Variants in FAH observed in about 807,000 individuals in gnomAD.
FAH encodes fumarylacetoacetase.
Under a neutral mutation model 55.8 loss-of-function variants are expected in FAH, and 47 were observed. The ratio of observed to expected loss-of-function variants is 0.84; its 90% CI spans 0.67 to 1.07. FAH has a LOEUF of 1.07. FAH is among the 50% of genes least tolerant of loss of function. FAH has a pLI of 0.00. For synonymous variants in FAH, 199 were observed against 207.7 expected (o/e 0.96, Z 0.36); for missense variants, 495 against 545.9 (o/e 0.91, Z 0.93).
intron 7 of FAH, among the ~76,000 whole-genome samples, chr15:80,169,340 G>A (rs991330790): frequency 1.3e-5 from 2 of 151,824 alleles, no homozygotes; most frequent in Non-Finnish European, 2.9e-5. Flanking sequence ...CTGAGATCGC[G>A]CCACCACACT....
intron 1 of FAH, 35 bp downstream of exon 1, chr15:80,153,170 A>G (rs1595888567): frequency 7.1e-7 from 1 of 1,404,092 alleles, no homozygotes; most frequent in Non-Finnish European, 9.7e-7. Flanking sequence ...GGGCGCGGGG[A>G]GGGAGTGGAG....
intron 1 of FAH, 143 bp downstream of exon 1, chr15:80,153,278 AGAGTG>A: frequency 1.4e-6 from 1 of 728,020 alleles, no homozygotes; most frequent in South Asian, 1.6e-5. Context: ...TCGTTCCGTG[AGAGTG>A]CCTATGGGCT....
At chr15:80,168,432 G>T (rs1595893274) in intron 7 of FAH, 116 bp downstream of exon 7, 2 of 1,001,970 alleles carry the variant, frequency 2.0e-6, no homozygotes, top group Admixed American at 3.5e-5. Context: ...AGCCACATCG[G>T]CAGCCGCTCT....
chr15:80,165,061 C>T (rs1347090501), intron 5 of FAH, among the ~76,000 whole-genome samples: 3 of 152,140 alleles, frequency 2.0e-5, no homozygotes, highest in Non-Finnish European at 4.4e-5. Flanking sequence ...AAGACAATTA[C>T]ACAGTAAAAT....
chr15:80,168,547 T>G, intron 7 of FAH: 1 of 588,168 alleles, frequency 1.7e-6, no homozygotes, highest in South Asian at 2.0e-5. Context: ...AAGTCCAGAA[T>G]TAATATTCAC....
At chr15:80,155,843 G>T (rs924694209) in intron 1 of FAH, 7 of 460,228 alleles carry the variant, frequency 1.5e-5, no homozygotes, top group Admixed American at 1.4e-4. Flanking sequence ...GCATAAGTCA[G>T]CATTTTCTTC....
intron 2 of FAH, among the ~76,000 whole-genome samples, chr15:80,159,197 C>G (rs1002366933): frequency 2.6e-5 from 4 of 151,470 alleles, no homozygotes; most frequent in African/African-American, 9.7e-5. Context: ...GAGATCACAT[C>G]AGTGCACTCC....
At chr15:80,167,964 CTT>C (rs1317994625) in intron 5 of FAH, 86 bp from the exon 6 acceptor site, 14 of 1,095,234 alleles carry the variant, frequency 1.3e-5, no homozygotes, top group African/African-American at 9.3e-5. Context: ...TGTGGCGACT[CTT>C]TGTTTCTAGT....
At chr15:80,170,122 G>T (rs1287559669) in intron 7 of FAH, among the ~76,000 whole-genome samples, 5 of 152,250 alleles carry the variant, frequency 3.3e-5, no homozygotes, top group Non-Finnish European at 7.3e-5. Context: ...GAGCTGACCT[G>T]GGGGAGGCAG....
intron 1 of FAH, 34 bp downstream of exon 1, chr15:80,153,169 G>GT: frequency 6.9e-7 from 1 of 1,441,562 alleles, no homozygotes; most frequent in Non-Finnish European, 9.4e-7. Flanking sequence ...CGGGCGCGGG[G>GT]AGGGAGTGGA....
chr15:80,153,235 G>A lies in FAH; in HGVS notation c.81+100G>A, dbSNP rs574266745. 7.3e-5 allele frequency: 72 copies of A among 989,390 alleles called. 1 individual carries two copies. In the African/African-American group the frequency reaches 1.1e-3, roughly 15 times the overall value. The allele number at this position is 989,390 out of a possible 1,614,324, so 61.3% of individuals were successfully genotyped here. A position where few individuals can be genotyped will look rare whatever the true frequency, so the allele number is the denominator to read the frequency against. ...GTGGAATGGAGTGGAATGAGGGGCG[G>A]GATGGAGGCTTGTGCCATTTTTCTC... On this transcript the variant is annotated intron_variant, in intron 1 of 13. Transcript: ENST00000561421.
At position 80,165,711 on chromosome 15, in the gene FAH, CA is replaced by C. The variant is rs746350394; in HGVS notation, c.456-2328del. On this transcript the variant is annotated intron_variant, in intron 5 of 13. Transcript: ENST00000561421. Reference sequence around the variant, plus strand: ...CTCTGTCTCAAACCCCACCCCCCACCAAAAAAAAAAAAAGGTACAGTAATAA... The same window carrying C: ...CTCTGTCTCAAACCCCACCCCCCACCAAAAAAAAAAAAGGTACAGTAATAA... 9.1e-3 allele frequency among the ~76,000 whole-genome samples: 1,158 copies of C among 127,158 alleles called. 9 individuals carry two copies. The highest frequency in any genetic ancestry group is 0.022 in the African/African-American group (772 of 34,534). The allele number at this position is 127,158 out of a possible 152,430, so 83.4% of individuals were successfully genotyped here. A position where few individuals can be genotyped will look rare whatever the true frequency, so the allele number is the denominator to read the frequency against.
At chr15:80,172,919 T>C in intron 8 of FAH, 95 bp from the exon 9 acceptor site, 1 of 1,529,380 alleles carries the variant, frequency 6.5e-7, no homozygotes, top group Non-Finnish European at 9.1e-7. Flanking sequence ...ATGGCAGTGC[T>C]AGGTGTCTCT....
At chr15:80,172,831 A>G (rs906229276) in intron 8 of FAH, among the ~76,000 whole-genome samples, 183 bp from the exon 9 acceptor site, 1 of 152,066 alleles carries the variant, frequency 6.6e-6, no homozygotes, top group Non-Finnish European at 1.5e-5. Flanking sequence ...AGTGCCCTCA[A>G]AGGACCTCTG....
Position 80,186,323 on chromosome 15 carries a change from T to C in FAH, c.*114T>C. 2.4e-6 allele frequency: 2 copies of C among 846,846 alleles called. No homozygotes were observed. The highest frequency in any genetic ancestry group is 1.4e-5 in the South Asian group (1 of 72,184). 52.5% of individuals were successfully genotyped at this position (846,846 alleles called of 1,614,324 possible). On this transcript the variant is annotated 3_prime_UTR_variant, in exon 14 of 14. Transcript: ENST00000561421. The stretch of plus-strand genomic sequence containing the variant: ...CGCCATTCAGTGACAAATAAAGCCA[T>C]TGTGCTCTGAGGCCTGCACTGCCGC...
intron 10 of FAH, 116 bp from the exon 11 acceptor site, chr15:80,177,421 C>CT (rs906746667): frequency 5.1e-6 from 5 of 978,700 alleles, no homozygotes; most frequent in African/African-American, 4.8e-5. Flanking sequence ...TTCACAGACT[C>CT]TAAGTGAAAT....
At chr15:80,158,032 G>A (rs1429608207) in intron 1 of FAH, 28 bp from the exon 2 acceptor site, 1 of 1,555,810 alleles carries the variant, frequency 6.4e-7, no homozygotes, top group Non-Finnish European at 8.9e-7. Flanking sequence ...GGCTTTTTCT[G>A]GTGCTGACGG....
At chr15:80,152,997 T>C, upstream of FAH, 1 of 1,501,028 alleles carries the variant, frequency 6.7e-7, no homozygotes, top group South Asian at 1.1e-5. Flanking sequence ...GCGGCCGAGT[T>C]CAGTCCTGCT....
At chr15:80,168,744 T>C (rs1264828425) in intron 7 of FAH, among the ~76,000 whole-genome samples, 1 of 152,210 alleles carries the variant, frequency 6.6e-6, no homozygotes, top group African/African-American at 2.4e-5. Context: ...CTTTTTTGGC[T>C]GTTTCATTGT....
Sources: allele counts gnomAD v4.1 joint callset (sites outside exome capture counted in the v4.1 genomes callset), GRCh38; gene constraint gnomAD v4.1.1; transcripts MANE v1.5; gene names NCBI Gene and HGNC (gene_info 2026-07-23, HGNC 2026-07-21).